Variants in PPIP5K2 observed in about 807,000 individuals in gnomAD.
PPIP5K2 encodes the protein inositol hexakisphosphate and diphosphoinositol-pentakisphosphate kinase 2.
PPIP5K2 carries 105 observed loss-of-function variants against 154.6 expected under a neutral mutation model. That is an observed-to-expected ratio of 0.68 (90% CI 0.58 to 0.80). PPIP5K2 has a LOEUF of 0.80. PPIP5K2 is among the 30% of genes least tolerant of loss of function. The pLI is 0.00. For synonymous variants in PPIP5K2, 480 were observed against 490.3 expected (o/e 0.98, Z 0.28); for missense variants, 992 against 1,504.6 (o/e 0.66, Z 5.64).
At chr5:103,144,239 TCTACAATGAAAACCATA>T (rs1183259133) in intron 5 of PPIP5K2, among the ~76,000 whole-genome samples, 7 of 151,628 alleles carry the variant, frequency 4.6e-5, no homozygotes, top group Admixed American at 2.6e-4. Flanking sequence ...AAAGATCTCT[TCTACAATGAAAACCATA>T]AAATGCTGAT....
In PPIP5K2 at chr5:103,173,989, A is replaced by G. The variant is rs1798349582; in HGVS notation, c.2529+17A>G. ...TTATGCAATGTAAGTAGAATAAGTT[A>G]TTTCAGTCTAACAAATATATTTAAT... On this transcript the variant is annotated intron_variant, in intron 21 of 30. Transcript: ENST00000358359. The G allele has an allele frequency of 6.8e-7, 1 of 1,479,240 alleles. No individual in the cohort carries two copies. The highest frequency in any genetic ancestry group is 9.3e-7 in the Non-Finnish European group (1 of 1,075,840). The allele number at this position is 1,479,240 out of a possible 1,614,324, so 91.6% of individuals were successfully genotyped here.
At position 103,153,064 on chromosome 5, in the gene PPIP5K2, A is replaced by G. The variant is rs138569051; in HGVS notation, c.1130+315A>G. ...TTTGCTCTCTCAAGTCATATCTTGC[A>G]TAATTATACCAGTATTGCCAAAATG... On this transcript the variant is annotated intron_variant, in intron 10 of 30. Coordinates refer to ENST00000358359, the MANE Select transcript of PPIP5K2 (RefSeq NM_001276277.3). Among the ~76,000 whole-genome samples the G allele has an allele frequency of 3.2e-4, 48 of 152,060 alleles. No individual in the cohort carries two copies. The East Asian group carries it at 8.5e-3, about 27-fold the overall frequency.
intron 5 of PPIP5K2, among the ~76,000 whole-genome samples, chr5:103,138,821 A>G (rs184368194): frequency 1.1e-4 from 17 of 152,366 alleles, no homozygotes; most frequent in Admixed American, 3.3e-4. Context: ...TCATGCTACA[A>G]TGCCAAAAAC....
rs1803521302 is a variant in PPIP5K2, at chr5:103,206,502, A to C, written c.*4868A>C. The C allele has an allele frequency of 6.6e-6, 1 of 152,210 alleles. No homozygotes were observed. The highest frequency in any genetic ancestry group is 2.4e-5 in the African/African-American group (1 of 41,448). 9.4% of individuals were successfully genotyped at this position (152,210 alleles called of 1,614,324 possible). A position where few individuals can be genotyped will look rare whatever the true frequency, so the allele number is the denominator to read the frequency against. ...CCCATGACCTTACTGACCCTAGAGC[A>C]GATGATGGAGTCAGTTTTTCCGAAA... On this transcript the variant is annotated 3_prime_UTR_variant, in exon 31 of 31. Transcript: ENST00000358359.
chr5:103,194,534 C>T (rs1469505945), intron 29 of PPIP5K2, among the ~76,000 whole-genome samples: 1 of 152,134 alleles, frequency 6.6e-6, no homozygotes, highest in African/African-American at 2.4e-5. Context: ...AACACCACGC[C>T]TGGTGAGGGG....
At chr5:103,161,066 G>A (rs1384916445) in intron 17 of PPIP5K2, among the ~76,000 whole-genome samples, 15 of 150,880 alleles carry the variant, frequency 9.9e-5, no homozygotes, top group African/African-American at 2.7e-4. Context: ...CCATTAACTC[G>A]TCATTTACAT....
Position 103,203,270 on chromosome 5 carries a change from G to GA in PPIP5K2, c.*1642dup, listed in dbSNP as rs1294839918. ...CTCTTACTTTTTAGTTTTCAAAGTA[G>GA]AAAAAATCAGGAATTTTTTTATTAA... is the stretch of plus-strand genomic sequence containing the variant. On this transcript the variant is annotated 3_prime_UTR_variant, in exon 31 of 31. Coordinates refer to ENST00000358359, the MANE Select transcript of PPIP5K2 (RefSeq NM_001276277.3). 2 of 152,162 alleles carry GA rather than the reference G, an allele frequency of 1.3e-5. No homozygotes were observed. Among genetic ancestry groups the GA allele is most frequent in the Middle Eastern group, 3.4e-3 (1 of 292 alleles). The allele number at this position is 152,162 out of a possible 1,614,324, so 9.4% of individuals were successfully genotyped here.
intron 5 of PPIP5K2, among the ~76,000 whole-genome samples, chr5:103,142,484 C>T (rs1792952713): frequency 6.6e-6 from 1 of 152,238 alleles, no homozygotes; most frequent in Admixed American, 6.5e-5. Context: ...AAGGGGCTCC[C>T]ACAGTGCAGC....
At chr5:103,186,560 G>C in intron 27 of PPIP5K2, 121 bp downstream of exon 27, 1 of 1,395,312 alleles carries the variant, frequency 7.2e-7, no homozygotes, top group African/African-American at 1.4e-5. Context: ...GTCATCTTTT[G>C]CCTAAATGAC....
chr5:103,188,354 A>T (rs1348807107), intron 28 of PPIP5K2, among the ~76,000 whole-genome samples: 1 of 152,148 alleles, frequency 6.6e-6, no homozygotes, highest in Non-Finnish European at 1.5e-5. Context: ...CTCAAGTCAG[A>T]TCTTTCAGAA....
chr5:103,189,031 TC>T, intron 28 of PPIP5K2: 2 of 569,114 alleles, frequency 3.5e-6, no homozygotes, highest in Admixed American at 7.1e-5. Context: ...ACTTTTTATT[TC>T]CCCTAACTTT....
Position 103,206,934 on chromosome 5 carries a change from A to T in PPIP5K2, c.*5300A>T, listed in dbSNP as rs1554232319. 6.6e-6 allele frequency: 1 copy of T among 152,330 alleles called. No individual in the cohort carries two copies. Among genetic ancestry groups the T allele is most frequent in the East Asian group, 1.9e-4 (1 of 5,196 alleles). 9.4% of individuals were successfully genotyped at this position (152,330 alleles called of 1,614,324 possible). On this transcript the variant is annotated 3_prime_UTR_variant, in exon 31 of 31. Transcript: ENST00000358359. The stretch of plus-strand genomic sequence containing the variant: ...GTTAGAAGTAGAAAACAACTGAGTC[A>T]GAGTGGAGATGAGTGTCTCAGTCAA...
At chr5:103,143,365 T>C (rs2149521002) in intron 5 of PPIP5K2, among the ~76,000 whole-genome samples, 1 of 152,306 alleles carries the variant, frequency 6.6e-6, no homozygotes, top group South Asian at 2.1e-4. Context: ...TAATTATTTT[T>C]TGTAGAGACA....
chr5:103,180,490 C>CATT (rs1799346412), intron 24 of PPIP5K2, among the ~76,000 whole-genome samples: 1 of 151,660 alleles, frequency 6.6e-6, no homozygotes, highest in Admixed American at 6.6e-5. Flanking sequence ...GGAATATTTA[C>CATT]ATTAGGTTGA....
At position 103,133,662 on chromosome 5, in the gene PPIP5K2, T is replaced by C; in HGVS notation, c.310+14T>C. 6.4e-7 allele frequency: 1 copy of C among 1,554,410 alleles called. No individual in the cohort carries two copies. The stretch of plus-strand genomic sequence containing the variant: ...TCCATTCTAAAGGTATTAAGGGGAG[T>C]GGGGGAGAAACTCCTTTATCCTCTC... On this transcript the variant is annotated intron_variant, in intron 3 of 30. Coordinates refer to ENST00000358359, the MANE Select transcript of PPIP5K2 (RefSeq NM_001276277.3).
rs1800395946 is a variant in PPIP5K2 at position 103,186,445 on chromosome 5, T to C, written c.3289+6T>C. 1 of 1,613,598 alleles carries C rather than the reference T, an allele frequency of 6.2e-7. No individual in the cohort carries two copies. Among genetic ancestry groups the C allele is most frequent in the Admixed American group, 1.7e-5 (1 of 59,970 alleles). ...CTCTTCTGGCTGCATAGATGGTATG[T>C]GCACACATGCACACACAGATTCATA... is the stretch of plus-strand genomic sequence containing the variant. On this transcript the variant is annotated splice_donor_region_variant and intron_variant, in intron 27 of 30. Transcript: ENST00000358359.
intron 6 of PPIP5K2, among the ~76,000 whole-genome samples, chr5:103,147,243 A>C (rs1250582693): frequency 6.6e-6 from 1 of 151,978 alleles, no homozygotes; most frequent in Non-Finnish European, 1.5e-5. Context: ...ATGCATATAC[A>C]TATAGAAATT....
intron 19 of PPIP5K2, among the ~76,000 whole-genome samples, chr5:103,172,117 A>G (rs1261566936): frequency 6.6e-6 from 1 of 151,656 alleles, no homozygotes; most frequent in Non-Finnish European, 1.5e-5. Flanking sequence ...CTTGCTAATA[A>G]CAAATTTAAA....
At chr5:103,151,470 C>T (rs782735870) in intron 9 of PPIP5K2, 96 bp downstream of exon 9, 31 of 1,024,456 alleles carry the variant, frequency 3.0e-5, no homozygotes, top group Non-Finnish European at 4.4e-5. Flanking sequence ...TTTAAGCATT[C>T]TAGAGTAAAG....
Sources: allele counts gnomAD v4.1 joint callset (sites outside exome capture counted in the v4.1 genomes callset), GRCh38; gene constraint gnomAD v4.1.1; transcripts MANE v1.5; gene names NCBI Gene and HGNC (gene_info 2026-07-23, HGNC 2026-07-21).